ACO1: variants seen among roughly 807,000 people sequenced by gnomAD.
The protein encoded by ACO1 is aconitase 1, also known as cytoplasmic aconitate hydratase.
A neutral mutation model predicts 105.1 loss-of-function variants in ACO1; 78 were observed. The observed-to-expected ratio is 0.74, with a 90% CI of 0.62 to 0.90. ACO1 has a LOEUF of 0.90. Among genes scored for constraint, ACO1 ranks in the 40% least tolerant of loss-of-function variants. The pLI is 0.00. For missense variants in ACO1, 965 were observed against 1,111.1 expected (o/e 0.87, Z 1.87); for synonymous variants, 364 against 397.4 (o/e 0.92, Z 1.00).
chr9:32,424,327 G>C (rs1822039682), intron 9 of ACO1, among the ~76,000 whole-genome samples: 1 of 152,202 alleles, frequency 6.6e-6, no homozygotes, highest in Non-Finnish European at 1.5e-5. Flanking sequence ...AAGGCTGCCT[G>C]CCTGTCTCCT....
Position 32,424,650 on chromosome 9 carries a change from C to G in ACO1, c.1173C>G (p.Ser391Arg), listed in dbSNP as rs781637839. 1.2e-6 allele frequency: 2 copies of G among 1,613,810 alleles called. No individual in the cohort carries two copies. The highest frequency in any genetic ancestry group is 2.2e-5 in the South Asian group (2 of 91,062). ...AVSDMKKDFE[S>R]CLGAKQGFKG... is the part of the protein sequence containing the mutation. ...CCGACATGAAAAAGGACTTTGAGAG[C>G]TGCCTTGGAGCCAAGGTAGGGGCCT... Residue 391 changes from serine (S) to arginine (R), a missense_variant, in exon 10 of 21, where the codon AGC (serine) becomes AGG (arginine). Coordinates refer to ENST00000309951, the MANE Select transcript of ACO1 (RefSeq NM_002197.3).
intron 13 of ACO1, among the ~76,000 whole-genome samples, 188 bp downstream of exon 13, chr9:32,429,691 G>A (rs1457284766): frequency 6.6e-6 from 1 of 152,180 alleles, no homozygotes; most frequent in African/African-American, 2.4e-5. Flanking sequence ...CTGTGCCTGG[G>A]TTTTCACAAC....
chr9:32,407,164 C>A, intron 2 of ACO1, 97 bp from the exon 3 acceptor site: 2 of 1,109,120 alleles, frequency 1.8e-6, no homozygotes, highest in Middle Eastern at 2.1e-4. Context: ...GAAGAATAGT[C>A]TGATGCCTCA....
At position 32,434,621 on chromosome 9, in the gene ACO1, T is replaced by C. The variant is rs200421193; in HGVS notation, c.2019T>C (p.Asp673=). Residue 673 remains aspartate (D), a synonymous_variant, in exon 17 of 21, where the codon GAT becomes GAC. Coordinates refer to ENST00000309951, the MANE Select transcript of ACO1 (RefSeq NM_002197.3). Reference sequence around the variant, plus strand: ...CCTATGTGCTGCTAAATTTGGGAGATTCGGTAACAACTGACCACATCTCCC... The same window carrying C: ...CCTATGTGCTGCTAAATTTGGGAGACTCGGTAACAACTGACCACATCTCCC... ...VDAYVLLNLG[D]SVTTDHISPA... 2 of 1,614,034 alleles carry C rather than the reference T, an allele frequency of 1.2e-6. No individual in the cohort carries two copies. Among genetic ancestry groups the C allele is most frequent in the African/African-American group, 2.7e-5 (2 of 74,990 alleles).
intron 15 of ACO1, 100 bp from the exon 16 acceptor site, chr9:32,433,628 C>T: frequency 1.2e-6 from 1 of 854,224 alleles, no homozygotes; most frequent in Non-Finnish European, 1.8e-6. Context: ...AAAAATGGTT[C>T]TTAGTGTACC....
intron 18 of ACO1, among the ~76,000 whole-genome samples, 198 bp downstream of exon 18, chr9:32,436,595 G>C (rs1245875424): frequency 1.3e-5 from 2 of 152,190 alleles, no homozygotes; most frequent in Non-Finnish European, 2.9e-5. Flanking sequence ...CTTGCTTAGA[G>C]ATTCTAGACC....
intron 1 of ACO1, among the ~76,000 whole-genome samples, chr9:32,388,930 TA>T (rs914493616): frequency 6.6e-6 from 1 of 151,892 alleles, no homozygotes; most frequent in African/African-American, 2.4e-5. Flanking sequence ...CTCCCCCAAT[TA>T]AAAAAAACTG....
intron 19 of ACO1, among the ~76,000 whole-genome samples, chr9:32,448,500 A>C (rs1038816620): frequency 6.6e-6 from 1 of 152,174 alleles, no homozygotes; most frequent in African/African-American, 2.4e-5. Flanking sequence ...ACTGGAGGGA[A>C]TCTCCTGGTC....
intron 19 of ACO1, chr9:32,445,599 G>C (rs1270027899): frequency 3.2e-6 from 1 of 311,184 alleles, no homozygotes. Context: ...ACAGTTTCTG[G>C]TGTCTCTGTC....
At chr9:32,443,081 A>C (rs1822518232) in intron 19 of ACO1, among the ~76,000 whole-genome samples, 2 of 152,160 alleles carry the variant, frequency 1.3e-5, no homozygotes, top group Admixed American at 6.5e-5. Flanking sequence ...TTTTTTAACA[A>C]TCACCGGCTC....
At chr9:32,404,396 T>A (rs1236081445) in intron 1 of ACO1, among the ~76,000 whole-genome samples, 2 of 152,194 alleles carry the variant, frequency 1.3e-5, no homozygotes, top group Non-Finnish European at 2.9e-5. Flanking sequence ...CCACCTCTGG[T>A]CGAATAGGGC....
In ACO1 at chr9:32,441,471, C is replaced by T. The variant is rs182826211; in HGVS notation, c.2370+884C>T. 7.0e-4 allele frequency among the ~76,000 whole-genome samples: 106 copies of T among 152,266 alleles called. 1 individual carries two copies. Among genetic ancestry groups the T allele is most frequent in the Middle Eastern group, 3.4e-3 (1 of 294 alleles). On this transcript the variant is annotated intron_variant, in intron 19 of 20. Transcript: ENST00000309951. ...ATGTGGCTGTCTGGCAGGCAGTTCT[C>T]CAGACATTTAGGCTTCTGATAATGT... is the stretch of plus-strand genomic sequence containing the variant.
Position 32,423,363 on chromosome 9 carries a change from G to T in ACO1, c.1015G>T (p.Ala339Ser), listed in dbSNP as rs755597568. The change falls in exon 9 of 21, where the codon GCT becomes TCT. Residue 339 changes from alanine to serine, a missense_variant. Transcript: ENST00000309951. ...AAAGTATATTAAAAAATATCTTCAG[G>T]CTGTAGGAATGTTTCGAGATTTCAA... The part of the protein sequence containing the change: ...KLKYIKKYLQ[A>S]VGMFRDFNDP... The T allele has an allele frequency of 3.1e-6, 5 of 1,596,640 alleles. No individual in the cohort carries two copies. In the East Asian group the frequency reaches 1.1e-4, roughly 36 times the overall value.
intron 1 of ACO1, among the ~76,000 whole-genome samples, chr9:32,388,192 T>C (rs925932267): frequency 3.3e-5 from 5 of 152,138 alleles, no homozygotes; most frequent in African/African-American, 9.7e-5. Flanking sequence ...AAACTAGTAG[T>C]GTCTCTAAGA....
At chr9:32,444,135 G>T (rs1032914197) in intron 19 of ACO1, among the ~76,000 whole-genome samples, 2 of 152,096 alleles carry the variant, frequency 1.3e-5, no homozygotes, top group Non-Finnish European at 2.9e-5. Context: ...CCATGTCCCT[G>T]CAAAGGACAT....
At chr9:32,393,266 C>T (rs977922192) in intron 1 of ACO1, among the ~76,000 whole-genome samples, 2 of 152,130 alleles carry the variant, frequency 1.3e-5, no homozygotes, top group African/African-American at 4.8e-5. Flanking sequence ...AAAGAGAATG[C>T]GTCCCTGAGG....
intron 19 of ACO1, among the ~76,000 whole-genome samples, chr9:32,441,521 T>G (rs1055418578): frequency 1.3e-5 from 2 of 152,224 alleles, no homozygotes; most frequent in Non-Finnish European, 2.9e-5. Flanking sequence ...CCTATTATTT[T>G]AATTGGTTAT....
Position 32,418,308 on chromosome 9 carries a change from T to C in ACO1, c.475-20T>C. The C allele has an allele frequency of 6.2e-7, 1 of 1,613,898 alleles. No individual in the cohort carries two copies. Among genetic ancestry groups the C allele is most frequent in the Non-Finnish European group, 8.5e-7 (1 of 1,179,832 alleles). ...AGTACTTCACGCGTTCATAGTGTTC[T>C]TTCCATTTGTCAATCCCAGTGGGGT... On this transcript the variant is annotated intron_variant, in intron 5 of 20. Coordinates refer to ENST00000309951, the MANE Select transcript of ACO1 (RefSeq NM_002197.3).
intron 10 of ACO1, among the ~76,000 whole-genome samples, chr9:32,425,037 G>A (rs895808801): frequency 2.0e-5 from 3 of 152,214 alleles, no homozygotes; most frequent in African/African-American, 7.2e-5. Flanking sequence ...TCAGATACCA[G>A]CTACTCTGCA....
Sources: allele counts gnomAD v4.1 joint callset (sites outside exome capture counted in the v4.1 genomes callset), GRCh38; gene constraint gnomAD v4.1.1; transcripts MANE v1.5; gene names NCBI Gene and HGNC (gene_info 2026-07-23, HGNC 2026-07-21).